Variants in RPH3AL observed in about 807,000 individuals in gnomAD.
RPH3AL encodes the protein rabphilin 3A like (without C2 domains).
Under a neutral mutation model 43.1 loss-of-function variants are expected in RPH3AL, and 38 were observed. The ratio of observed to expected loss-of-function variants is 0.88; its 90% CI spans 0.68 to 1.15. RPH3AL has a LOEUF of 1.15. Ranked by LOEUF, RPH3AL falls within the 50% of genes most tolerant of loss-of-function variation. RPH3AL has a pLI of 0.00. For synonymous variants in RPH3AL, 189 were observed against 176.3 expected (o/e 1.07, Z -0.57); for missense variants, 462 against 423.2 (o/e 1.09, Z -0.81).
At chr17:272,357 A>T (rs951627876) in intron 6 of RPH3AL, among the ~76,000 whole-genome samples, 2 of 152,072 alleles carry the variant, frequency 1.3e-5, no homozygotes, top group African/African-American at 2.4e-5. Flanking sequence ...AACCAACCCA[A>T]ATGTCCATCA....
rs868381039 is a variant in RPH3AL at position 215,508 on chromosome 17, C to T, written c.876+146G>A. On this transcript the variant is annotated intron_variant, in intron 9 of 9. Transcript: ENST00000331302. The surrounding 1 kb of genome is among the most constrained non-coding windows in gnomAD (Gnocchi z 4.1). Reference sequence around the variant, plus strand: ...CCTTGCAGGCAGGGATGGGGTCTGGCTCACCTTGTTCCCCCGCACAGTGCT... The same window carrying T: ...CCTTGCAGGCAGGGATGGGGTCTGGTTCACCTTGTTCCCCCGCACAGTGCT... 3 of 734,790 alleles carry T rather than the reference C, an allele frequency of 4.1e-6. No homozygotes were observed. Among genetic ancestry groups the T allele is most frequent in the Middle Eastern group, 4.5e-4 (1 of 2,240 alleles). The allele number at this position is 734,790 out of a possible 1,614,324, so 45.5% of individuals were successfully genotyped here.
At chr17:262,171 C>T (rs782171541) in intron 6 of RPH3AL, among the ~76,000 whole-genome samples, 31 of 152,010 alleles carry the variant, frequency 2.0e-4, no homozygotes, top group South Asian at 1.0e-3. Context: ...GGGTCAAGGT[C>T]GTTATAAAAA....
chr17:266,992 C>T (rs1238947524), intron 6 of RPH3AL, among the ~76,000 whole-genome samples: 2 of 152,224 alleles, frequency 1.3e-5, no homozygotes, highest in African/African-American at 4.8e-5. Context: ...CTCACCCTGC[C>T]TTGTAGCCCA....
At chr17:252,390 A>G (rs2041927014) in intron 6 of RPH3AL, among the ~76,000 whole-genome samples, 1 of 152,304 alleles carries the variant, frequency 6.6e-6, no homozygotes, top group Middle Eastern at 3.4e-3. Context: ...CGCCCTGCTG[A>G]CCATGGCGGT....
intron 5 of RPH3AL, among the ~76,000 whole-genome samples, chr17:291,031 T>TG (rs1402053695): frequency 2.6e-5 from 4 of 152,218 alleles, no homozygotes; most frequent in African/African-American, 9.6e-5. Context: ...CGGGTGAAAC[T>TG]GCCCTCAAAC....
chr17:213,948 A>G, intron 9 of RPH3AL, 25 bp from the exon 10 acceptor site: 1 of 1,592,928 alleles, frequency 6.3e-7, no homozygotes, highest in Non-Finnish European at 8.6e-7. Context: ...AAAGGCCACC[A>G]CATGGTGAGC....
intron 6 of RPH3AL, among the ~76,000 whole-genome samples, chr17:260,629 A>G (rs2042175607): frequency 6.6e-6 from 1 of 152,120 alleles, no homozygotes; most frequent in Non-Finnish European, 1.5e-5. Flanking sequence ...CACTGCAGCT[A>G]CTTTAAAGGT....
rs1567584773 is a variant in RPH3AL at position 250,228 on chromosome 17, CGGG to C, written c.439-2946_439-2944del. 5.8e-5 allele frequency among the ~76,000 whole-genome samples: 8 copies of C among 138,640 alleles called. No homozygotes were observed. In the East Asian group the frequency reaches 1.5e-3, roughly 26 times the overall value. The allele number at this position is 138,640 out of a possible 152,430, so 91.0% of individuals were successfully genotyped here. A position where few individuals can be genotyped will look rare whatever the true frequency, so the allele number is the denominator to read the frequency against. ...TCTCAGAGCCTAAGCTCTGTCGCTGCGGGACCTCTCAGAGCCTTTACCAAGCTC... is the reference window on the plus strand; with the variant it reads ...TCTCAGAGCCTAAGCTCTGTCGCTGCACCTCTCAGAGCCTTTACCAAGCTC... On this transcript the variant is annotated intron_variant, in intron 6 of 9. Coordinates refer to ENST00000331302, the MANE Select transcript of RPH3AL (RefSeq NM_006987.4).
chr17:302,572 G>A (rs938731353), intron 5 of RPH3AL, among the ~76,000 whole-genome samples: 3 of 152,178 alleles, frequency 2.0e-5, no homozygotes, highest in Non-Finnish European at 2.9e-5. Context: ...ACCCCAGGAC[G>A]AGGCTAAGCT....
chr17:348,835 C>T (rs1446997939), intron 1 of RPH3AL: 1 of 152,152 alleles, frequency 6.6e-6, no homozygotes, highest in Non-Finnish European at 1.5e-5. Flanking sequence ...AAATACTGGG[C>T]CCCAGTTCTT....
At chr17:232,136 G>A (rs1407846227) in intron 7 of RPH3AL, among the ~76,000 whole-genome samples, 5 of 152,190 alleles carry the variant, frequency 3.3e-5, no homozygotes, top group African/African-American at 2.4e-5. Flanking sequence ...AGACGTGGCC[G>A]GGCCTCTACT....
chr17:351,510 C>T (rs1337049801), intron 1 of RPH3AL, among the ~76,000 whole-genome samples: 1 of 152,128 alleles, frequency 6.6e-6, no homozygotes, highest in Non-Finnish European at 1.5e-5. Context: ...CCTGTAAGTA[C>T]AGACCCACCT....
intron 5 of RPH3AL, among the ~76,000 whole-genome samples, chr17:292,282 G>A (rs1363181166): frequency 6.6e-6 from 1 of 152,152 alleles, no homozygotes; most frequent in Non-Finnish European, 1.5e-5. Context: ...GCCAGCAGCG[G>A]AAAGGCTGGA....
chr17:247,006 G>A lies in RPH3AL; in HGVS notation c.613+105C>T, dbSNP rs578258578. 30 of 1,238,464 alleles carry A rather than the reference G, an allele frequency of 2.4e-5. No individual in the cohort carries two copies. The African/African-American group carries it at 2.8e-4, about 12-fold the overall frequency. 76.7% of individuals were successfully genotyped at this position (1,238,464 alleles called of 1,614,324 possible). ...GGGACGCATCACCAGAATGAGCCTC[G>A]TGGATGGAGGGTGCGGGGGACTGGC... is the stretch of plus-strand genomic sequence containing the variant. On this transcript the variant is annotated intron_variant, in intron 7 of 9. Transcript: ENST00000331302.
intron 6 of RPH3AL, among the ~76,000 whole-genome samples, chr17:270,993 T>C (rs2042450087): frequency 6.6e-6 from 1 of 152,236 alleles, no homozygotes; most frequent in Non-Finnish European, 1.5e-5. Flanking sequence ...TTTCCACGTA[T>C]GGCTAGCCAG....
At chr17:268,770 C>G (rs1164232290) in intron 6 of RPH3AL, among the ~76,000 whole-genome samples, 1 of 152,086 alleles carries the variant, frequency 6.6e-6, no homozygotes, top group South Asian at 2.1e-4. Context: ...CGCCATGTTA[C>G]CCAGACTGGT....
chr17:329,875 T>A (rs944704097), intron 2 of RPH3AL, among the ~76,000 whole-genome samples: 4 of 152,222 alleles, frequency 2.6e-5, no homozygotes, highest in Non-Finnish European at 5.9e-5. Context: ...TTGTAAATAT[T>A]TTTCTTTGAT....
chr17:331,344 T>C (rs2044757318), intron 2 of RPH3AL: 2 of 51,758 alleles, frequency 3.9e-5, no homozygotes, highest in Non-Finnish European at 8.1e-5. Flanking sequence ...CCTCCAGAGC[T>C]GGGGCCACGG....
At position 323,340 on chromosome 17, in the gene RPH3AL, G is replaced by A. The variant is rs560427910; in HGVS notation, c.78-1925C>T. Among the ~76,000 whole-genome samples, 18 of 152,298 alleles carry A rather than the reference G, an allele frequency of 1.2e-4. No individual in the cohort carries two copies. Among genetic ancestry groups the A allele is most frequent in the African/African-American group, 4.3e-4 (18 of 41,542 alleles). On this transcript the variant is annotated intron_variant, in intron 3 of 9. Transcript: ENST00000331302. The surrounding 1 kb of genome is among the most constrained non-coding windows in gnomAD (Gnocchi z 4.4). ...GGTGCTGGGGAAGGAAAATACCGGG[G>A]CAGCAGGGCAGGGCTGGAAGGGGGG... is the stretch of plus-strand genomic sequence containing the variant.
Sources: allele counts gnomAD v4.1 joint callset (sites outside exome capture counted in the v4.1 genomes callset), GRCh38; gene constraint gnomAD v4.1.1; non-coding constraint Gnocchi (gnomAD v3.1); transcripts MANE v1.5; gene names NCBI Gene and HGNC (gene_info 2026-07-23, HGNC 2026-07-21).